Variants in SGCZ observed in about 807,000 individuals in gnomAD.
The protein encoded by SGCZ is zeta-sarcoglycan.
In SGCZ, 40 loss-of-function variants were observed where a neutral mutation model predicts 41.3. That is an observed-to-expected ratio of 0.97 (90% CI 0.75 to 1.26). The LOEUF (loss-of-function observed/expected upper bound fraction) is 1.26. Among genes scored for constraint, SGCZ ranks in the 50% most tolerant of loss-of-function variants. The pLI is 0.00. For missense variants in SGCZ, 552 were observed against 369.8 expected (o/e 1.49, Z -4.04); for synonymous variants, 206 against 137.5 (o/e 1.50, Z -3.49).
At chr8:14,099,974 A>G (rs1801962392) in intron 7 of SGCZ, among the ~76,000 whole-genome samples, 1 of 152,052 alleles carries the variant, frequency 6.6e-6, no homozygotes, top group South Asian at 2.1e-4. Context: ...CATTTTAGAT[A>G]CCTCAATACC....
chr8:14,642,775 A>G (rs142205004), intron 1 of SGCZ, among the ~76,000 whole-genome samples: 96 of 151,698 alleles, frequency 6.3e-4, no homozygotes, highest in African/African-American at 2.2e-3. Context: ...TAATATATAT[A>G]TCTAAGCAAA....
At chr8:15,028,464 C>A (rs1803535371) in intron 1 of SGCZ, among the ~76,000 whole-genome samples, 1 of 150,450 alleles carries the variant, frequency 6.6e-6, no homozygotes. Flanking sequence ...TCATAAGGAA[C>A]ACCATCGTCT....
At chr8:15,028,813 G>C (rs1376613601) in intron 1 of SGCZ, among the ~76,000 whole-genome samples, 1 of 151,926 alleles carries the variant, frequency 6.6e-6, no homozygotes, top group East Asian at 1.9e-4. Flanking sequence ...TCCTTATAAA[G>C]GACTAAAATG....
chr8:14,840,701 T>C (rs571053314), intron 1 of SGCZ, among the ~76,000 whole-genome samples: 67 of 152,186 alleles, frequency 4.4e-4, no homozygotes, highest in African/African-American at 1.6e-3. Context: ...TTTTATCTTG[T>C]CAGGAGCTAT....
chr8:14,954,626 G>A (rs1322974064), intron 1 of SGCZ, among the ~76,000 whole-genome samples: 1 of 152,108 alleles, frequency 6.6e-6, no homozygotes, highest in African/African-American at 2.4e-5. Context: ...AGAGGTAAGG[G>A]GCAATGGGCA....
intron 2 of SGCZ, among the ~76,000 whole-genome samples, chr8:14,349,186 T>C (rs746512089): frequency 6.6e-6 from 1 of 152,148 alleles, no homozygotes; most frequent in East Asian, 1.9e-4. Context: ...CATAGTAATG[T>C]CCATATGGAA....
At chr8:14,103,651 CT>C in intron 6 of SGCZ, among the ~76,000 whole-genome samples, 1 of 151,044 alleles carries the variant, frequency 6.6e-6, no homozygotes, top group Middle Eastern at 3.4e-3. Context: ...CTTCCATTTT[CT>C]TTTTTTTTCA....
intron 1 of SGCZ, among the ~76,000 whole-genome samples, chr8:14,812,753 G>T (rs1801773814): frequency 6.6e-6 from 1 of 152,074 alleles, no homozygotes; most frequent in Admixed American, 6.6e-5. Flanking sequence ...TCTTCTAGAA[G>T]ATTTAACTTA....
intron 2 of SGCZ, among the ~76,000 whole-genome samples, chr8:14,534,480 A>G (rs535600270): frequency 6.6e-6 from 1 of 152,146 alleles, no homozygotes; most frequent in South Asian, 2.1e-4. Flanking sequence ...CCTTTATCCA[A>G]TCAGTAAGTA....
chr8:14,093,792 A>G (rs951494004), intron 7 of SGCZ, among the ~76,000 whole-genome samples: 1 of 152,260 alleles, frequency 6.6e-6, no homozygotes, highest in African/African-American at 2.4e-5. Flanking sequence ...CTCCTTGGAA[A>G]TAACTTTTCT....
intron 1 of SGCZ, among the ~76,000 whole-genome samples, chr8:14,621,860 G>C (rs142499246): frequency 8.2e-4 from 124 of 152,100 alleles, no homozygotes; most frequent in African/African-American, 2.8e-3. Context: ...ATAGACTTCT[G>C]TCTATAGACT....
intron 2 of SGCZ, among the ~76,000 whole-genome samples, chr8:14,483,492 G>A (rs1202190423): frequency 6.6e-6 from 1 of 152,210 alleles, no homozygotes; most frequent in South Asian, 2.1e-4. Context: ...GATTGCTTGA[G>A]CCCAGGAAGT....
At chr8:14,827,836 A>C (rs1344463530) in intron 1 of SGCZ, among the ~76,000 whole-genome samples, 2 of 152,194 alleles carry the variant, frequency 1.3e-5, no homozygotes, top group East Asian at 3.9e-4. Flanking sequence ...ACATAAACAC[A>C]CATTAATAAA....
intron 5 of SGCZ, among the ~76,000 whole-genome samples, chr8:14,161,965 A>T (rs1804060622): frequency 6.6e-6 from 1 of 151,964 alleles, no homozygotes; most frequent in Non-Finnish European, 1.5e-5. Flanking sequence ...GAGAGAGAGA[A>T]AGATAAAGGG....
chr8:14,848,030 G>A, intron 1 of SGCZ, among the ~76,000 whole-genome samples: 1 of 152,126 alleles, frequency 6.6e-6, no homozygotes, highest in South Asian at 2.1e-4. Context: ...AATAATAAGT[G>A]AATTTAGAAA....
chr8:14,293,707 A>G (rs74515329), intron 3 of SGCZ, among the ~76,000 whole-genome samples: 7,545 of 151,962 alleles, frequency 0.05, 206 homozygotes, highest in Middle Eastern at 0.1. Context: ...ATTATGTTAA[A>G]TTACAGGGGA....
At chr8:14,304,609 G>C (rs1468707046) in intron 3 of SGCZ, among the ~76,000 whole-genome samples, 2 of 151,950 alleles carry the variant, frequency 1.3e-5, no homozygotes, top group South Asian at 4.2e-4. Flanking sequence ...TGAAATGAAA[G>C]TATTTTTATA....
At chr8:14,505,870 C>T (rs910025556) in intron 2 of SGCZ, among the ~76,000 whole-genome samples, 10 of 152,142 alleles carry the variant, frequency 6.6e-5, no homozygotes, top group African/African-American at 2.2e-4. Context: ...ACACAGGACT[C>T]GGCAATCTGT....
chr8:14,693,382 C>A (rs145081809), intron 1 of SGCZ, among the ~76,000 whole-genome samples: 6,288 of 151,266 alleles, frequency 0.042, 436 homozygotes, highest in African/African-American at 0.14. Context: ...ACCTCTGTCT[C>A]CTAGGTTCAA....
Sources: gnomAD v4.1 joint callset for allele counts (sites outside exome capture counted in the v4.1 genomes callset) on GRCh38, gnomAD v4.1.1 for gene constraint, MANE v1.5 for transcripts, NCBI Gene and HGNC (gene_info 2026-07-23, HGNC 2026-07-21) for gene names.